ZFYVE28: variants seen among roughly 807,000 people sequenced by gnomAD.
ZFYVE28 encodes the protein lateral signaling target protein 2 homolog.
Under a neutral mutation model 82.1 loss-of-function variants are expected in ZFYVE28, and 40 were observed. The ratio of observed to expected loss-of-function variants is 0.49; its 90% CI spans 0.38 to 0.63. The LOEUF (loss-of-function observed/expected upper bound fraction) is 0.63. Among genes scored for constraint, ZFYVE28 ranks in the 30% least tolerant of loss-of-function variants. The pLI is 0.00. For synonymous variants in ZFYVE28, 612 were observed against 546.1 expected, an observed-to-expected ratio of 1.12 and a Z score of -1.68; for missense variants, 1,321 against 1,242.1, an observed-to-expected ratio of 1.06 and a Z score of -0.96.
intron 1 of ZFYVE28, among the ~76,000 whole-genome samples, chr4:2,410,420 A>G (rs1419054120): frequency 7.0e-6 from 1 of 143,798 alleles, no homozygotes. Context: ...TTCCAGGCTC[A>G]TGGCGATGGC....
At chr4:2,369,710 C>T (rs1727288579) in intron 1 of ZFYVE28, among the ~76,000 whole-genome samples, 1 of 151,920 alleles carries the variant, frequency 6.6e-6, no homozygotes, top group Non-Finnish European at 1.5e-5. Flanking sequence ...ACCCCAAGGA[C>T]AGCCGGCAAC....
chr4:2,269,608 A>C lies in ZFYVE28; in HGVS notation c.*1117T>G, dbSNP rs1735749646. Reference sequence around the variant, plus strand: ...GAAAGGAGAGCGTCTGCAATCCTTAAATAGATTTATGGAAATGGCTTCAAA... The same window carrying C: ...GAAAGGAGAGCGTCTGCAATCCTTACATAGATTTATGGAAATGGCTTCAAA... On this transcript the variant is annotated 3_prime_UTR_variant, in exon 13 of 13. Transcript: ENST00000290974. 6.6e-6 allele frequency: 1 copy of C among 152,184 alleles called. No individual in the cohort carries two copies. The highest frequency in any genetic ancestry group is 1.5e-5 in the Non-Finnish European group (1 of 68,022). The allele number at this position is 152,184 out of a possible 1,614,324, so 9.4% of individuals were successfully genotyped here.
rs1733028889 is a variant in ZFYVE28, at chr4:2,416,321, T to C, written c.39+1964A>G. ...TATTTTTCCTTCCTTTTCAACACGA[T>C]TAGAAGGGTGATCCCCCAAATGCGG... On this transcript the variant is annotated intron_variant, in intron 1 of 12. Transcript: ENST00000290974. This position sits in a 1 kb window ranked among gnomAD's most constrained non-coding sequence, Gnocchi z 4.6. Among the ~76,000 whole-genome samples the C allele has an allele frequency of 6.6e-6, 1 of 152,114 alleles. No individual in the cohort carries two copies. Among genetic ancestry groups the C allele is most frequent in the African/African-American group, 2.4e-5 (1 of 41,424 alleles).
At chr4:2,291,064 G>A (rs539876884) in intron 8 of ZFYVE28, among the ~76,000 whole-genome samples, 33 of 152,362 alleles carry the variant, frequency 2.2e-4, no homozygotes, top group African/African-American at 7.0e-4. Context: ...GCACACGAGC[G>A]GGAGGAGCTC....
chr4:2,397,814 T>A, intron 1 of ZFYVE28, among the ~76,000 whole-genome samples: 1 of 152,188 alleles, frequency 6.6e-6, no homozygotes, highest in Non-Finnish European at 1.5e-5. Flanking sequence ...GTTTATTTAT[T>A]CACCCACTGA....
intron 1 of ZFYVE28, among the ~76,000 whole-genome samples, chr4:2,396,219 GCC>G (rs1730446920): frequency 6.5e-5 from 2 of 30,718 alleles, no homozygotes; most frequent in African/African-American, 2.0e-4. Flanking sequence ...CTGCAGAGGG[GCC>G]ACAAGGCGGG....
In ZFYVE28 at chr4:2,392,166, A is replaced by G. The variant is rs1397834056; in HGVS notation, c.39+26119T>C. ...AAGACTCCATCCCAAAAAAAAAAAA[A>G]GGGTGGGGAGGCATATTTTATGTTA... On this transcript the variant is annotated intron_variant, in intron 1 of 12. Transcript: ENST00000290974. Among the ~76,000 whole-genome samples, 17 of 151,312 alleles carry G rather than the reference A, an allele frequency of 1.1e-4. No individual in the cohort carries two copies. The East Asian group carries it at 3.3e-3, about 30-fold the overall frequency.
At chr4:2,346,499 A>G (rs1181849849) in intron 2 of ZFYVE28, among the ~76,000 whole-genome samples, 1 of 152,168 alleles carries the variant, frequency 6.6e-6, no homozygotes, top group Non-Finnish European at 1.5e-5. Flanking sequence ...TTAATTTTCT[A>G]AATTTTTAAT....
intron 1 of ZFYVE28, among the ~76,000 whole-genome samples, chr4:2,364,324 C>T (rs1465662653): frequency 6.6e-6 from 1 of 152,238 alleles, no homozygotes; most frequent in Admixed American, 6.5e-5. Context: ...CCACACAGTC[C>T]TCCAGCCTGA....
intron 8 of ZFYVE28, among the ~76,000 whole-genome samples, chr4:2,279,123 C>T (rs913985892): frequency 1.3e-5 from 2 of 152,184 alleles, no homozygotes; most frequent in Non-Finnish European, 2.9e-5. Flanking sequence ...CAGAAAGGAA[C>T]GCAGCACTTA....
At chr4:2,349,085 A>T (rs1379879857) in intron 2 of ZFYVE28, among the ~76,000 whole-genome samples, 1 of 152,128 alleles carries the variant, frequency 6.6e-6, no homozygotes, top group African/African-American at 2.4e-5. Context: ...ATCGGACCAG[A>T]TGAGCCCAAA....
At chr4:2,333,630 T>C (rs1412354141) in intron 6 of ZFYVE28, among the ~76,000 whole-genome samples, 4 of 151,996 alleles carry the variant, frequency 2.6e-5, no homozygotes, top group Non-Finnish European at 4.4e-5. Flanking sequence ...GACACGGGCA[T>C]GAGTGGGCGG....
chr4:2,351,703 G>A (rs986738635), intron 2 of ZFYVE28, among the ~76,000 whole-genome samples: 1 of 152,172 alleles, frequency 6.6e-6, no homozygotes, highest in Non-Finnish European at 1.5e-5. Flanking sequence ...GAGAGAGTGA[G>A]ACCCCACAGG....
At position 2,276,933 on chromosome 4, in the gene ZFYVE28, G is replaced by A. The variant is rs182278506; in HGVS notation, c.2052-2717C>T. Among the ~76,000 whole-genome samples, 56 of 152,102 alleles carry A rather than the reference G, an allele frequency of 3.7e-4. 1 individual carries two copies. In the East Asian group the frequency reaches 6.8e-3, roughly 18 times the overall value. On this transcript the variant is annotated intron_variant, in intron 8 of 12. Transcript: ENST00000290974. ...TGTGTTCAATGCCACGAAATTGTAC[G>A]CTTAGGAAGGGCTAAATAGTAAACT...
chr4:2,377,003 C>T (rs1217084181), intron 1 of ZFYVE28, among the ~76,000 whole-genome samples: 1 of 151,966 alleles, frequency 6.6e-6, no homozygotes, highest in Non-Finnish European at 1.5e-5. Context: ...TTCTATTGGA[C>T]AGCACTGGTC....
chr4:2,345,834 T>A (rs1406487850), intron 2 of ZFYVE28, among the ~76,000 whole-genome samples: 1 of 151,694 alleles, frequency 6.6e-6, no homozygotes. Context: ...AAGACAAAAA[T>A]GGCATTAGAT....
intron 7 of ZFYVE28, among the ~76,000 whole-genome samples, chr4:2,308,964 T>G (rs1442429406): frequency 6.6e-6 from 1 of 152,236 alleles, no homozygotes; most frequent in Non-Finnish European, 1.5e-5. Flanking sequence ...TGGACATCGT[T>G]AATTTGATTT....
chr4:2,353,895 C>T, intron 2 of ZFYVE28, 38 bp downstream of exon 2: 1 of 1,455,826 alleles, frequency 6.9e-7, no homozygotes, highest in Non-Finnish European at 9.1e-7. Flanking sequence ...GTCCAATGCC[C>T]AGCGGGGCCA....
chr4:2,347,839 T>C (rs1723814117), intron 2 of ZFYVE28, among the ~76,000 whole-genome samples: 1 of 152,084 alleles, frequency 6.6e-6, no homozygotes, highest in African/African-American at 2.4e-5. Context: ...TTCTCTAACC[T>C]CAGTTGCCAC....
Sources: gnomAD v4.1 joint callset for allele counts (sites outside exome capture counted in the v4.1 genomes callset) on GRCh38, gnomAD v4.1.1 for gene constraint, Gnocchi (gnomAD v3.1) non-coding constraint, MANE v1.5 for transcripts, NCBI Gene and HGNC (gene_info 2026-07-23, HGNC 2026-07-21) for gene names.